The following DENND6A variants were observed in gnomAD, a reference collection of about 807,000 sequenced individuals.
DENND6A encodes DENN domain containing 6A, also known as protein DENND6A.
DENND6A carries 43 observed loss-of-function variants against 95.5 expected under a neutral mutation model. The ratio of observed to expected loss-of-function variants is 0.45; its 90% CI spans 0.35 to 0.58. The LOEUF (loss-of-function observed/expected upper bound fraction) is 0.58, where lower values mean the gene tolerates loss of function less well. Among genes scored for constraint, DENND6A ranks in the 20% least tolerant of loss-of-function variants. The probability of loss-of-function intolerance (pLI) is 0.00; values close to 1 mark genes in which losing one functional copy is unlikely to be tolerated. For missense variants in DENND6A, 574 were observed against 736.0 expected (o/e 0.78, Z 2.55); for synonymous variants, 257 against 260.4 (o/e 0.99, Z 0.13).
At chr3:57,681,481 A>C (rs1405558120) in intron 1 of DENND6A, among the ~76,000 whole-genome samples, 1 of 151,850 alleles carries the variant, frequency 6.6e-6, no homozygotes, top group Non-Finnish European at 1.5e-5. Context: ...AAAATTAGGC[A>C]GGCATAGTGG....
intron 9 of DENND6A, 152 bp from the exon 10 acceptor site, chr3:57,646,590 G>A: frequency 8.8e-7 from 1 of 1,132,876 alleles, no homozygotes; most frequent in South Asian, 2.0e-5. Context: ...AGAATATGGT[G>A]ATGTATAGAG....
At chr3:57,632,075 A>G (rs1211902532) in intron 15 of DENND6A, among the ~76,000 whole-genome samples, 2 of 136,076 alleles carry the variant, frequency 1.5e-5, no homozygotes, top group African/African-American at 5.6e-5. Context: ...GGCTGAGTGC[A>G]GTGGCGCGAT....
chr3:57,645,436 G>C (rs1158386237), intron 11 of DENND6A, among the ~76,000 whole-genome samples: 1 of 152,154 alleles, frequency 6.6e-6, no homozygotes, highest in Non-Finnish European at 1.5e-5. Flanking sequence ...ACTCCAGCCT[G>C]GGCGACAGAG....
chr3:57,640,757 C>T (rs890179516), intron 12 of DENND6A, among the ~76,000 whole-genome samples: 2 of 151,984 alleles, frequency 1.3e-5, no homozygotes, highest in Non-Finnish European at 2.9e-5. Flanking sequence ...AATTACTACG[C>T]CCAAACCATG....
At chr3:57,638,529 A>G (rs1288922703) in intron 12 of DENND6A, among the ~76,000 whole-genome samples, 1 of 151,932 alleles carries the variant, frequency 6.6e-6, no homozygotes, top group African/African-American at 2.4e-5. Flanking sequence ...GTGGTGGTGC[A>G]TGCCTGTAAT....
At chr3:57,675,702 AAC>A (rs990742433) in intron 1 of DENND6A, among the ~76,000 whole-genome samples, 18 of 152,296 alleles carry the variant, frequency 1.2e-4, no homozygotes, top group Admixed American at 4.6e-4. Flanking sequence ...AATAGTAAAC[AAC>A]ACACCCAAGG....
At position 57,636,234 on chromosome 3, in the gene DENND6A, A is replaced by G. The variant is rs2070788917; in HGVS notation, c.1133-1465T>C. 2.0e-5 allele frequency among the ~76,000 whole-genome samples: 3 copies of G among 152,214 alleles called. 1 individual carries two copies. The highest frequency in any genetic ancestry group is 2.0e-4 in the Admixed American group (3 of 15,272). On this transcript the variant is annotated intron_variant, in intron 12 of 19. Coordinates refer to ENST00000311128, the MANE Select transcript of DENND6A (RefSeq NM_152678.3). The stretch of plus-strand genomic sequence containing the variant: ...GGGTTAATTGTAATTTCAGTTTTGC[A>G]GAGAAGCTGCCAAGTAATACAGTCT...
chr3:57,659,773 C>A (rs993618841), intron 7 of DENND6A, among the ~76,000 whole-genome samples: 1 of 152,172 alleles, frequency 6.6e-6, no homozygotes, highest in Non-Finnish European at 1.5e-5. Context: ...GAGAACAAAA[C>A]CCTGGGATGA....
chr3:57,652,118 C>G (rs893602038), intron 9 of DENND6A, among the ~76,000 whole-genome samples: 3 of 152,104 alleles, frequency 2.0e-5, no homozygotes, highest in Admixed American at 2.0e-4. Flanking sequence ...AAACATGGAG[C>G]CTAATTCTCC....
intron 3 of DENND6A, among the ~76,000 whole-genome samples, chr3:57,670,419 A>G (rs115734153): frequency 0.019 from 2,961 of 152,322 alleles, 49 homozygotes; most frequent in Non-Finnish European, 0.03. Context: ...ATCTGTGGGA[A>G]GGTAAACATA....
At chr3:57,689,079 C>T (rs1024646048) in intron 1 of DENND6A, among the ~76,000 whole-genome samples, 2 of 151,976 alleles carry the variant, frequency 1.3e-5, no homozygotes, top group African/African-American at 2.4e-5. Flanking sequence ...CTCACCCTCC[C>T]GAGTAGCTGG....
chr3:57,681,992 T>C (rs1036567014), intron 1 of DENND6A, among the ~76,000 whole-genome samples: 7 of 152,160 alleles, frequency 4.6e-5, no homozygotes, highest in Non-Finnish European at 8.8e-5. Flanking sequence ...TGTGAATACC[T>C]GAATTTTTAA....
intron 1 of DENND6A, among the ~76,000 whole-genome samples, chr3:57,673,015 T>C (rs1011566285): frequency 3.3e-5 from 5 of 151,258 alleles, no homozygotes; most frequent in Non-Finnish European, 5.9e-5. Flanking sequence ...CAGAGTTCAA[T>C]ACCAGCCTGG....
chr3:57,692,723 T>C (rs2077281192), intron 1 of DENND6A, 59 bp downstream of exon 1: 20 of 1,368,830 alleles, frequency 1.5e-5, no homozygotes, highest in Non-Finnish European at 1.9e-5. Flanking sequence ...CCGCTGGCTT[T>C]GCTGCAGCCG....
chr3:57,674,153 T>C (rs1009226957), intron 1 of DENND6A, among the ~76,000 whole-genome samples: 2 of 150,840 alleles, frequency 1.3e-5, no homozygotes, highest in African/African-American at 4.9e-5. Flanking sequence ...GAGGCTGAGG[T>C]GGGAGGATCA....
At chr3:57,646,199 A>G (rs997116947) in intron 10 of DENND6A, 117 bp downstream of exon 10, 14 of 1,401,404 alleles carry the variant, frequency 1.0e-5, no homozygotes, top group African/African-American at 5.8e-5. Flanking sequence ...GCATGGATCA[A>G]TGCAATAATG....
intron 9 of DENND6A, among the ~76,000 whole-genome samples, chr3:57,653,455 TTAG>T (rs1172361367): frequency 6.6e-6 from 1 of 152,096 alleles, no homozygotes; most frequent in Non-Finnish European, 1.5e-5. Flanking sequence ...CTAAAAAATA[TTAG>T]TAGTAGGCCG....
chr3:57,650,871 G>A (rs1006689962), intron 9 of DENND6A, among the ~76,000 whole-genome samples: 19 of 147,306 alleles, frequency 1.3e-4, no homozygotes, highest in Non-Finnish European at 1.9e-4. Flanking sequence ...CACAACCTCC[G>A]CCTCCCAGAT....
At chr3:57,630,888 A>C in intron 16 of DENND6A, 37 bp downstream of exon 16, 1 of 1,611,486 alleles carries the variant, frequency 6.2e-7, no homozygotes, top group Non-Finnish European at 8.5e-7. Context: ...AGTTAATTAC[A>C]GTTAGAGGAC....
Sources: allele counts gnomAD v4.1 joint callset (sites outside exome capture counted in the v4.1 genomes callset), GRCh38; gene constraint gnomAD v4.1.1; transcripts MANE v1.5; gene names NCBI Gene and HGNC (gene_info 2026-07-23, HGNC 2026-07-21).